Variants in FGF14 observed in about 807,000 individuals in gnomAD.
FGF14 encodes fibroblast growth factor homologous factor 4.
Under a neutral mutation model 25.5 loss-of-function variants are expected in FGF14, and 5 were observed. The observed-to-expected ratio is 0.20, with a 90% CI of 0.10 to 0.41. The LOEUF is 0.41. Among genes scored for constraint, FGF14 ranks in the 10% least tolerant of loss-of-function variants. The pLI, the probability that FGF14 is intolerant of heterozygous loss-of-function variation, is 1.00. For missense variants in FGF14, 222 were observed against 320.1 expected (o/e 0.69, Z 2.34); for synonymous variants, 138 against 118.3 (o/e 1.17, Z -1.08).
chr13:101,973,688 T>G (rs6491655), intron 1 of FGF14, among the ~76,000 whole-genome samples: 60,076 of 151,952 alleles, frequency 0.4, 12,226 homozygotes, highest in East Asian at 0.71. Context: ...TTTTCTGCCT[T>G]CTTATATTCT....
intron 1 of FGF14, among the ~76,000 whole-genome samples, chr13:101,945,590 G>A (rs1245720361): frequency 1.3e-5 from 2 of 152,130 alleles, no homozygotes; most frequent in African/African-American, 4.8e-5. Flanking sequence ...CAACTCTTGT[G>A]TCTGCTACTG....
At chr13:101,885,463 T>C (rs1010960480) in intron 1 of FGF14, among the ~76,000 whole-genome samples, 3 of 152,114 alleles carry the variant, frequency 2.0e-5, no homozygotes, top group Non-Finnish European at 4.4e-5. Context: ...ATTGGATTTA[T>C]GGTTTGTAGC....
chr13:101,991,598 G>A (rs944490849), intron 1 of FGF14, among the ~76,000 whole-genome samples: 1 of 152,068 alleles, frequency 6.6e-6, no homozygotes, highest in Non-Finnish European at 1.5e-5. Context: ...GATCTATAAG[G>A]GAATTGAGAT....
At chr13:101,947,817 C>T (rs1425948453) in intron 1 of FGF14, among the ~76,000 whole-genome samples, 1 of 152,004 alleles carries the variant, frequency 6.6e-6, no homozygotes, top group African/African-American at 2.4e-5. Context: ...TACATGTACC[C>T]CTTATGTCTA....
intron 3 of FGF14, among the ~76,000 whole-genome samples, chr13:101,746,528 C>T (rs1003634244): frequency 4.6e-5 from 7 of 151,932 alleles, no homozygotes; most frequent in African/African-American, 1.2e-4. Context: ...TTCATATACT[C>T]CTAGAGAGTG....
chr13:102,165,915 CT>C (rs891545034), intron 1 of FGF14, among the ~76,000 whole-genome samples: 1 of 151,104 alleles, frequency 6.6e-6, no homozygotes, highest in African/African-American at 2.4e-5. Context: ...TTTTCTTTTC[CT>C]TTAAAAAAAA....
chr13:102,310,827 G>A (rs1019568925), intron 1 of FGF14, among the ~76,000 whole-genome samples: 2 of 151,910 alleles, frequency 1.3e-5, no homozygotes, highest in African/African-American at 4.8e-5. Flanking sequence ...GGTCTCAGGA[G>A]TTAACTAATC....
chr13:102,222,871 T>C (rs1181675985), intron 1 of FGF14, among the ~76,000 whole-genome samples: 1 of 152,140 alleles, frequency 6.6e-6, no homozygotes, highest in Non-Finnish European at 1.5e-5. Flanking sequence ...GAAGTGCTGA[T>C]TACATACCAA....
chr13:102,161,597 AG>A (rs1474650692), intron 1 of FGF14, among the ~76,000 whole-genome samples: 2 of 2,688 alleles, frequency 7.4e-4, no homozygotes, highest in South Asian at 0.011. Context: ...AAGAAGAAGA[AG>A]AAGAAGAAGA....
intron 1 of FGF14, among the ~76,000 whole-genome samples, chr13:101,946,365 A>C (rs1355910071): frequency 2.3e-5 from 3 of 133,084 alleles, no homozygotes; most frequent in Admixed American, 2.2e-4. Flanking sequence ...TTCTCCATCA[A>C]AAAAAAAAAA....
In FGF14 at chr13:101,857,024, A is replaced by G. The variant is rs576729314; in HGVS notation, c.408+11701T>C. 2.0e-5 allele frequency among the ~76,000 whole-genome samples: 3 copies of G among 151,988 alleles called. No homozygotes were observed. The East Asian group carries it at 5.8e-4, about 30-fold the overall frequency. On this transcript the variant is annotated intron_variant, in intron 3 of 4. Transcript: ENST00000376143. The stretch of plus-strand genomic sequence containing the variant: ...ATTAACGGGGAGTCATTAAGTATCA[A>G]CTCTTTGTCATTGTTTCCTCATGAA...
rs369790326 is a variant in FGF14, at chr13:102,209,065, A to G, written c.208+192406T>C. Reference sequence around the variant, plus strand: ...AAAACAGCTATGAGAGGTACTCCCAAGAATACACTTGCGAGGACGCGAGGA... The same window carrying G: ...AAAACAGCTATGAGAGGTACTCCCAGGAATACACTTGCGAGGACGCGAGGA... On this transcript the variant is annotated intron_variant, in intron 1 of 4. Transcript: ENST00000376131. Among the ~76,000 whole-genome samples the G allele has an allele frequency of 2.6e-5, 4 of 152,380 alleles. No homozygotes were observed. In the East Asian group the frequency reaches 7.7e-4, roughly 29 times the overall value.
At chr13:102,186,086 T>A (rs1301798305) in intron 1 of FGF14, among the ~76,000 whole-genome samples, 1 of 152,192 alleles carries the variant, frequency 6.6e-6, no homozygotes, top group East Asian at 1.9e-4. Context: ...AGCATTAACA[T>A]GATGTGATTT....
intron 3 of FGF14, among the ~76,000 whole-genome samples, chr13:101,839,192 A>G (rs1415408024): frequency 6.6e-6 from 1 of 152,058 alleles, no homozygotes; most frequent in African/African-American, 2.4e-5. Context: ...GTCTGATGAA[A>G]CATGCAATTT....
chr13:101,929,095 T>C (rs760459063), intron 1 of FGF14, among the ~76,000 whole-genome samples: 3 of 152,216 alleles, frequency 2.0e-5, no homozygotes, highest in Non-Finnish European at 4.4e-5. Context: ...TCTGCACCAC[T>C]GTACTTGACC....
intron 3 of FGF14, among the ~76,000 whole-genome samples, chr13:101,734,789 G>A (rs112338615): frequency 0.02 from 3,034 of 152,094 alleles, 109 homozygotes; most frequent in African/African-American, 0.069. Flanking sequence ...AAGAAACCGA[G>A]GCACAGAAGG....
At chr13:102,237,669 G>T (rs1180375924) in intron 1 of FGF14, among the ~76,000 whole-genome samples, 1 of 151,160 alleles carries the variant, frequency 6.6e-6, no homozygotes, top group Non-Finnish European at 1.5e-5. Flanking sequence ...AGTCATCTAA[G>T]CCATAAATTA....
At chr13:101,969,271 G>A (rs1334329359) in intron 1 of FGF14, among the ~76,000 whole-genome samples, 5 of 152,120 alleles carry the variant, frequency 3.3e-5, no homozygotes, top group African/African-American at 7.2e-5. Flanking sequence ...GATAAGAAAC[G>A]GTATAGTCTA....
intron 1 of FGF14, among the ~76,000 whole-genome samples, chr13:102,342,709 T>C (rs1007680540): frequency 2.0e-5 from 3 of 152,102 alleles, no homozygotes; most frequent in Non-Finnish European, 2.9e-5. Context: ...AACAGGAGTC[T>C]AGCTAAAAAA....
Sources: gnomAD v4.1 joint callset for allele counts (sites outside exome capture counted in the v4.1 genomes callset) on GRCh38, gnomAD v4.1.1 for gene constraint, MANE v1.5 for transcripts, NCBI Gene and HGNC (gene_info 2026-07-23, HGNC 2026-07-21) for gene names.